ACTR3C: variants seen among roughly 807,000 people sequenced by gnomAD.
ACTR3C encodes the protein actin related protein 3C, also known as actin-related protein 3C.
In ACTR3C, 18 loss-of-function variants were observed where a neutral mutation model predicts 26.3. The ratio of observed to expected loss-of-function variants is 0.68; its 90% CI spans 0.47 to 1.01. The LOEUF (loss-of-function observed/expected upper bound fraction) is 1.01. ACTR3C is among the 50% of genes least tolerant of loss of function. The pLI is 0.00. For synonymous variants in ACTR3C, 55 were observed against 94.5 expected, an observed-to-expected ratio of 0.58 and a Z score of 2.42; for missense variants, 184 against 250.7, an observed-to-expected ratio of 0.73 and a Z score of 1.80.
the ACTR3C span, among the ~76,000 whole-genome samples, chr7:149,917,305 C>T: frequency 6.6e-6 from 1 of 152,148 alleles, no homozygotes; most frequent in Non-Finnish European, 1.5e-5. Context: ...AAACTCCCAA[C>T]CTTAGGTGAT....
At chr7:150,257,305 A>G (rs1470092694) in intron 6 of ACTR3C, among the ~76,000 whole-genome samples, 9 of 152,172 alleles carry the variant, frequency 5.9e-5, no homozygotes, top group Admixed American at 1.3e-4. Flanking sequence ...GTGGAAGGGA[A>G]TGACATAGCT....
At chr7:150,120,270 C>T in the ACTR3C span, among the ~76,000 whole-genome samples, 1 of 151,922 alleles carries the variant, frequency 6.6e-6, no homozygotes. Flanking sequence ...CACAAAAAAC[C>T]CTTCAAAAAT....
the ACTR3C span, among the ~76,000 whole-genome samples, chr7:150,213,088 G>T: frequency 3.0e-4 from 46 of 151,998 alleles, no homozygotes; most frequent in African/African-American, 1.0e-3. Context: ...ACAGGCTCAG[G>T]AACAGGGAGG....
chr7:150,106,488 G>A, the ACTR3C span, among the ~76,000 whole-genome samples: 3 of 150,164 alleles, frequency 2.0e-5, no homozygotes, highest in Non-Finnish European at 4.4e-5. Flanking sequence ...TTGTTCTTTG[G>A]AGACTCTAGA....
chr7:150,189,217 G>A, the ACTR3C span, among the ~76,000 whole-genome samples: 1 of 151,902 alleles, frequency 6.6e-6, no homozygotes, highest in African/African-American at 2.4e-5. Flanking sequence ...ATTTACTAGA[G>A]TTTAACATTT....
At chr7:149,883,861 G>T in the ACTR3C span, among the ~76,000 whole-genome samples, 7,764 of 152,222 alleles carry the variant, frequency 0.051, 229 homozygotes, top group African/African-American at 0.1. Context: ...GAGCTCTGTC[G>T]TTCTCCACTC....
At chr7:150,091,985 CTCAAAAAAAAA>C in the ACTR3C span, among the ~76,000 whole-genome samples, 1 of 12,242 alleles carries the variant, frequency 8.2e-5, no homozygotes. Context: ...GAGACTCCGT[CTCAAAAAAAAA>C]AAAAAAAAAA....
the ACTR3C span, chr7:150,001,218 A>G: frequency 6.6e-6 from 1 of 152,294 alleles, no homozygotes; most frequent in Non-Finnish European, 1.5e-5. Flanking sequence ...CCCAGCTGCT[A>G]AAGCTTCCCC....
the ACTR3C span, among the ~76,000 whole-genome samples, chr7:149,994,647 T>C: frequency 6.6e-6 from 1 of 151,950 alleles, no homozygotes; most frequent in Non-Finnish European, 1.5e-5. Flanking sequence ...ATGGAGACAG[T>C]ACAATGTGTA....
the ACTR3C span, among the ~76,000 whole-genome samples, chr7:149,919,063 G>A: frequency 1.3e-5 from 2 of 152,120 alleles, no homozygotes; most frequent in Non-Finnish European, 2.9e-5. Flanking sequence ...TAAAGCAAAG[G>A]TTCTCTGCAC....
chr7:149,887,910 G>A, the ACTR3C span, among the ~76,000 whole-genome samples: 2 of 152,150 alleles, frequency 1.3e-5, no homozygotes, highest in African/African-American at 4.8e-5. Flanking sequence ...TTTTTCTCTT[G>A]CCGCTGCCAT....
intron 6 of ACTR3C, among the ~76,000 whole-genome samples, chr7:150,278,861 CT>C (rs1421182235): frequency 6.6e-6 from 1 of 152,212 alleles, no homozygotes; most frequent in African/African-American, 2.4e-5. Flanking sequence ...GAGCAGCTAC[CT>C]TTTTATCTGT....
the ACTR3C span, among the ~76,000 whole-genome samples, chr7:150,036,503 C>T: frequency 1.1e-3 from 167 of 145,236 alleles, 2 homozygotes; most frequent in East Asian, 0.026. Flanking sequence ...TTTCTTGTAA[C>T]TCATGAAAAA....
chr7:149,958,328 A>G, the ACTR3C span, among the ~76,000 whole-genome samples: 1 of 152,122 alleles, frequency 6.6e-6, no homozygotes, highest in Non-Finnish European at 1.5e-5. Flanking sequence ...ACAACCAAAG[A>G]GTTCCAGTGA....
the ACTR3C span, among the ~76,000 whole-genome samples, chr7:150,146,559 T>C: frequency 6.6e-6 from 1 of 152,230 alleles, no homozygotes; most frequent in African/African-American, 2.4e-5. Context: ...TTTTCTTTTT[T>C]CGGCTGCTCT....
At chr7:150,213,320 G>A in the ACTR3C span, among the ~76,000 whole-genome samples, 8 of 152,184 alleles carry the variant, frequency 5.3e-5, no homozygotes, top group Non-Finnish European at 7.3e-5. Flanking sequence ...GTGAAACGCC[G>A]TAAGCCTTGC....
At chr7:149,922,515 G>T in the ACTR3C span, among the ~76,000 whole-genome samples, 6 of 150,462 alleles carry the variant, frequency 4.0e-5, no homozygotes, top group African/African-American at 1.2e-4. Flanking sequence ...ACTGTGAGTA[G>T]TACCTTCAGA....
the ACTR3C span, among the ~76,000 whole-genome samples, chr7:150,038,871 C>T: frequency 1.6e-5 from 2 of 125,464 alleles, no homozygotes; most frequent in African/African-American, 5.9e-5. Context: ...CTCTCAGTCC[C>T]TGCCTCGCGG....
downstream of ACTR3C, among the ~76,000 whole-genome samples, chr7:150,241,071 TAC>T (rs1290752645): frequency 2.6e-5 from 4 of 151,760 alleles, no homozygotes; most frequent in African/African-American, 9.7e-5. Context: ...AATGGAGAGA[TAC>T]AGTTTATGAA....
Sources: gnomAD v4.1 joint callset for allele counts (sites outside exome capture counted in the v4.1 genomes callset) on GRCh38, gnomAD v4.1.1 for gene constraint, MANE v1.5 for transcripts, NCBI Gene and HGNC (gene_info 2026-07-23, HGNC 2026-07-21) for gene names.